Variants in CTNNA2 observed in about 807,000 individuals in gnomAD.
CTNNA2 encodes catenin alpha-2.
In CTNNA2, 42 loss-of-function variants were observed where a neutral mutation model predicts 101.0. The observed-to-expected ratio is 0.42, with a 90% confidence interval of 0.32 to 0.54. CTNNA2 has a LOEUF of 0.54. CTNNA2 is among the 20% of genes least tolerant of loss of function. The pLI is 0.14. For missense variants in CTNNA2, 871 were observed against 1,223.1 expected, an observed-to-expected ratio of 0.71 and a Z score of 4.29; for synonymous variants, 450 against 456.4, an observed-to-expected ratio of 0.99 and a Z score of 0.18.
intron 9 of CTNNA2, among the ~76,000 whole-genome samples, chr2:80,473,141 G>A: frequency 6.6e-6 from 1 of 152,180 alleles, no homozygotes; most frequent in East Asian, 1.9e-4. Flanking sequence ...GGGAAGGTCA[G>A]TTCTGATGAG....
At position 80,500,135 on chromosome 2, in the gene CTNNA2, A is replaced by C. The variant is rs1021952531; in HGVS notation, c.1291-44847A>C. ...CTTACAAATCATAGCATTTAGCCAT[A>C]TTATGCAGCCCAGAAGAATAAATAA... is the stretch of plus-strand genomic sequence containing the variant. On this transcript the variant is annotated intron_variant, in intron 9 of 18. Coordinates refer to ENST00000402739, the MANE Select transcript of CTNNA2 (RefSeq NM_001282597.3). Among the ~76,000 whole-genome samples the C allele has an allele frequency of 5.9e-5, 9 of 152,218 alleles. No homozygotes were observed. In the South Asian group the frequency reaches 8.3e-4, roughly 14 times the overall value.
chr2:80,322,633 G>T (rs1417721785), intron 7 of CTNNA2, among the ~76,000 whole-genome samples: 1 of 151,876 alleles, frequency 6.6e-6, no homozygotes, highest in African/African-American at 2.4e-5. Context: ...CCCGGCCGCA[G>T]CCCAGCCGCC....
intron 4 of CTNNA2, among the ~76,000 whole-genome samples, chr2:79,487,803 A>G (rs1671171833): frequency 6.6e-6 from 1 of 152,220 alleles, no homozygotes; most frequent in African/African-American, 2.4e-5. Context: ...GAGAGTAATC[A>G]ATGGTTGCTT....
At chr2:79,721,988 C>T (rs571479211) in intron 2 of CTNNA2, among the ~76,000 whole-genome samples, 6 of 152,156 alleles carry the variant, frequency 3.9e-5, no homozygotes, top group Admixed American at 2.0e-4. Context: ...AAAAATGAAG[C>T]GTGTTTATAA....
chr2:79,944,112 A>G (rs867770164), intron 7 of CTNNA2, among the ~76,000 whole-genome samples: 1 of 152,156 alleles, frequency 6.6e-6, no homozygotes, highest in Non-Finnish European at 1.5e-5. Context: ...GGATTCTGAA[A>G]TAATCTCATT....
At chr2:80,314,484 C>G (rs1677910637) in intron 7 of CTNNA2, among the ~76,000 whole-genome samples, 1 of 152,150 alleles carries the variant, frequency 6.6e-6, no homozygotes, top group African/African-American at 2.4e-5. Flanking sequence ...CTCCCCTAGT[C>G]CATAGCAAGC....
intron 2 of CTNNA2, among the ~76,000 whole-genome samples, chr2:79,664,971 A>C (rs1293059026): frequency 1.3e-5 from 2 of 152,066 alleles, no homozygotes; most frequent in Non-Finnish European, 2.9e-5. Context: ...TCGGCCTCCC[A>C]AAGTGCTAGG....
intron 2 of CTNNA2, among the ~76,000 whole-genome samples, chr2:79,256,160 G>A (rs1394888004): frequency 2.0e-5 from 3 of 152,182 alleles, no homozygotes; most frequent in Admixed American, 6.5e-5. Flanking sequence ...AGACAAAGGA[G>A]ATGAATTGGG....
intron 4 of CTNNA2, among the ~76,000 whole-genome samples, chr2:79,476,291 C>A (rs939596272): frequency 2.0e-5 from 3 of 152,164 alleles, no homozygotes; most frequent in Non-Finnish European, 2.9e-5. Context: ...GAGCCAGCAT[C>A]CTGGAGTATA....
At chr2:80,122,996 C>T (rs1037970153) in intron 7 of CTNNA2, among the ~76,000 whole-genome samples, 10 of 152,134 alleles carry the variant, frequency 6.6e-5, no homozygotes, top group Non-Finnish European at 1.2e-4. Context: ...CAAATGGAAC[C>T]GTCTCACTTC....
chr2:79,989,050 G>A (rs17018359), intron 7 of CTNNA2, among the ~76,000 whole-genome samples: 8,958 of 152,172 alleles, frequency 0.059, 400 homozygotes, highest in East Asian at 0.21. Flanking sequence ...TGGATAAAAC[G>A]GAAACCTCGA....
intron 9 of CTNNA2, among the ~76,000 whole-genome samples, chr2:80,483,786 G>A (rs909492493): frequency 1.3e-5 from 2 of 152,144 alleles, no homozygotes; most frequent in Admixed American, 6.5e-5. Flanking sequence ...TTGAGTCATG[G>A]ATGTTTTATT....
chr2:80,409,330 A>C (rs1480682314), intron 8 of CTNNA2, among the ~76,000 whole-genome samples: 1 of 152,190 alleles, frequency 6.6e-6, no homozygotes, highest in East Asian at 1.9e-4. Context: ...ATGTGAAAGA[A>C]ATGTAGAAAC....
intron 2 of CTNNA2, 28 bp downstream of exon 2, chr2:79,651,686 T>C: frequency 1.3e-6 from 2 of 1,567,892 alleles, no homozygotes; most frequent in Non-Finnish European, 1.8e-6. Context: ...ACCACTTTGT[T>C]ATATATGTGT....
intron 1 of CTNNA2, among the ~76,000 whole-genome samples, chr2:79,587,455 C>T (rs1436092284): frequency 2.6e-5 from 4 of 152,104 alleles, no homozygotes; most frequent in African/African-American, 9.7e-5. Context: ...CTGAATGCTG[C>T]CCATGCACAC....
intron 7 of CTNNA2, among the ~76,000 whole-genome samples, chr2:80,259,505 A>G (rs948622057): frequency 3.3e-5 from 5 of 152,090 alleles, no homozygotes; most frequent in Admixed American, 6.6e-5. Context: ...CCTCTTCACA[A>G]TGACCTTCCT....
At chr2:80,296,723 T>C (rs1675778948) in intron 7 of CTNNA2, among the ~76,000 whole-genome samples, 1 of 152,126 alleles carries the variant, frequency 6.6e-6, no homozygotes, top group African/African-American at 2.4e-5. Context: ...ACTCTTGACA[T>C]TTTAGGTCAA....
chr2:79,591,700 G>A (rs1676857075), intron 1 of CTNNA2, among the ~76,000 whole-genome samples: 1 of 152,008 alleles, frequency 6.6e-6, no homozygotes, highest in South Asian at 2.1e-4. Context: ...CAGTTCTGAG[G>A]GGATACTGGT....
intron 1 of CTNNA2, among the ~76,000 whole-genome samples, chr2:79,585,658 A>C (rs1676436246): frequency 6.6e-6 from 1 of 152,088 alleles, no homozygotes; most frequent in Non-Finnish European, 1.5e-5. Context: ...TAATGAATGC[A>C]TTTGCACAGT....
Sources: allele counts gnomAD v4.1 joint callset (sites outside exome capture counted in the v4.1 genomes callset), GRCh38; gene constraint gnomAD v4.1.1; transcripts MANE v1.5; gene names NCBI Gene and HGNC (gene_info 2026-07-23, HGNC 2026-07-21).